SLC2A13: variants seen among roughly 807,000 people sequenced by gnomAD.
The protein encoded by SLC2A13 is proton myo-inositol cotransporter.
SLC2A13 carries 32 observed loss-of-function variants against 64.4 expected under a neutral mutation model. The ratio of observed to expected loss-of-function variants is 0.50; its 90% CI spans 0.37 to 0.67. The LOEUF (loss-of-function observed/expected upper bound fraction) is 0.67. SLC2A13 is among the 30% of genes least tolerant of loss of function. The pLI, the probability that SLC2A13 is intolerant of heterozygous loss-of-function variation, is 0.00. For synonymous variants in SLC2A13, 338 were observed against 327.1 expected, an observed-to-expected ratio of 1.03 and a Z score of -0.36; for missense variants, 743 against 829.2, an observed-to-expected ratio of 0.90 and a Z score of 1.28.
At chr12:39,882,299 A>G (rs1488686569) in intron 4 of SLC2A13, among the ~76,000 whole-genome samples, 5 of 152,132 alleles carry the variant, frequency 3.3e-5, no homozygotes, top group Non-Finnish European at 5.9e-5. Flanking sequence ...AGGACCAAGA[A>G]TTTGCCTTTC....
intron 4 of SLC2A13, among the ~76,000 whole-genome samples, chr12:39,872,357 A>G (rs902290364): frequency 4.6e-5 from 7 of 152,232 alleles, no homozygotes; most frequent in African/African-American, 1.7e-4. Flanking sequence ...TTCACTGTGA[A>G]TTAATGTCCT....
intron 3 of SLC2A13, among the ~76,000 whole-genome samples, chr12:40,012,842 G>T (rs1343028758): frequency 6.6e-6 from 1 of 152,152 alleles, no homozygotes; most frequent in African/African-American, 2.4e-5. Flanking sequence ...AAAGGAAAGT[G>T]ACACAGGAAA....
chr12:39,790,206 T>C (rs538364170), intron 7 of SLC2A13, among the ~76,000 whole-genome samples: 1 of 48,794 alleles, frequency 2.0e-5, no homozygotes, highest in South Asian at 8.8e-4. Context: ...GTGTACAGTG[T>C]TTTTTTTTTC....
intron 7 of SLC2A13, among the ~76,000 whole-genome samples, chr12:39,808,232 C>A (rs11173668): frequency 0.093 from 14,205 of 151,976 alleles, 780 homozygotes; most frequent in Middle Eastern, 0.13. Flanking sequence ...GGCTTTTTTG[C>A]CCAACACAAT....
intron 4 of SLC2A13, among the ~76,000 whole-genome samples, chr12:39,917,314 A>C (rs1413068400): frequency 2.0e-5 from 3 of 152,062 alleles, no homozygotes; most frequent in Admixed American, 1.3e-4. Flanking sequence ...GCATGTGCAA[A>C]AGCATGCGGT....
intron 5 of SLC2A13, among the ~76,000 whole-genome samples, chr12:39,866,725 A>C (rs548761401): frequency 2.8e-4 from 43 of 152,228 alleles, no homozygotes; most frequent in Middle Eastern, 6.8e-3. Context: ...GTGATCCGCC[A>C]GCCTCGGCCT....
At chr12:39,933,207 C>T (rs189435174) in intron 4 of SLC2A13, among the ~76,000 whole-genome samples, 35 of 152,172 alleles carry the variant, frequency 2.3e-4, no homozygotes, top group African/African-American at 6.7e-4. Flanking sequence ...CCAGCCTGGG[C>T]GACAGAGCAA....
At chr12:39,772,869 TC>T (rs1940634055) in intron 7 of SLC2A13, among the ~76,000 whole-genome samples, 1 of 56,122 alleles carries the variant, frequency 1.8e-5, no homozygotes, top group Non-Finnish European at 4.9e-5. Context: ...GCCAAGTAGC[TC>T]CTCATCATCC....
intron 1 of SLC2A13, among the ~76,000 whole-genome samples, chr12:40,104,466 A>G (rs555479531): frequency 3.9e-5 from 6 of 152,192 alleles, no homozygotes; most frequent in African/African-American, 1.2e-4. Flanking sequence ...CTTGCGGGGC[A>G]TTTATCCACA....
At chr12:39,926,489 A>T (rs1034273868) in intron 4 of SLC2A13, among the ~76,000 whole-genome samples, 1 of 152,242 alleles carries the variant, frequency 6.6e-6, no homozygotes, top group Non-Finnish European at 1.5e-5. Context: ...GATATGTGAC[A>T]GCGTATTGTA....
rs150220364 is a variant in SLC2A13 at position 39,764,534 on chromosome 12, G to C, written c.1646C>G (p.Ser549Cys). Reference sequence around the variant, plus strand: ...GACATTGAAAATCCAGTTTATTCCAGATGAACATGCATTTCCTGTACTTCT... The same window carrying C: ...GACATTGAAAATCCAGTTTATTCCACATGAACATGCATTTCCTGTACTTCT... ...WARSTGNACSSGINWIFNVLV... is the reference protein window; with the variant it reads ...WARSTGNACSCGINWIFNVLV... The change falls in exon 9 of 10, where the codon TCT (serine) becomes TGT (cysteine). Residue 549 changes from serine to cysteine, a missense_variant. Around this residue, in one of 2 missense-constraint regions of SLC2A13, gnomAD observed 295 missense variants for 381.7 expected, o/e 0.77. Transcript: ENST00000280871. 143 of 1,612,216 alleles carry C rather than the reference G, an allele frequency of 8.9e-5. No homozygotes were observed. The highest frequency in any genetic ancestry group is 1.2e-4 in the Non-Finnish European group (138 of 1,179,268).
intron 4 of SLC2A13, among the ~76,000 whole-genome samples, chr12:39,935,616 TTATAA>T (rs951337989): frequency 2.0e-5 from 3 of 152,168 alleles, no homozygotes; most frequent in Non-Finnish European, 4.4e-5. Context: ...ACATCTGCAG[TTATAA>T]TATAATAAAT....
At chr12:39,884,661 A>T (rs527427142) in intron 4 of SLC2A13, among the ~76,000 whole-genome samples, 1 of 152,316 alleles carries the variant, frequency 6.6e-6, no homozygotes, top group East Asian at 1.9e-4. Context: ...TGACCGCCAT[A>T]CATATAACAA....
chr12:39,882,675 G>A (rs1263493792), intron 4 of SLC2A13, among the ~76,000 whole-genome samples: 5 of 151,918 alleles, frequency 3.3e-5, no homozygotes, highest in Non-Finnish European at 1.5e-5. Flanking sequence ...GTGCTCCCCT[G>A]CCTCATCACC....
rs17458355 is a variant in SLC2A13 at position 40,076,300 on chromosome 12, C to T, written c.557-28090G>A. On this transcript the variant is annotated intron_variant, in intron 1 of 9. Transcript: ENST00000280871. ...CTGATAGGTAGTTTTTTGATCCTCA[C>T]CCTCCTCCCAACCTCCACCCTCAAA... Among the ~76,000 whole-genome samples, 146 of 152,232 alleles carry T rather than the reference C, an allele frequency of 9.6e-4. 1 individual carries two copies. Among genetic ancestry groups the T allele is most frequent in the African/African-American group, 3.2e-3 (132 of 41,558 alleles).
intron 1 of SLC2A13, among the ~76,000 whole-genome samples, chr12:40,081,717 G>A (rs530687313): frequency 6.6e-5 from 10 of 152,274 alleles, no homozygotes; most frequent in African/African-American, 1.4e-4. Flanking sequence ...TTGCTGTCGA[G>A]CTCATGTGGT....
At position 40,048,075 on chromosome 12, in the gene SLC2A13, C is replaced by T. The variant is rs965174191; in HGVS notation, c.692G>A (p.Ser231Asn). The T allele has an allele frequency of 6.2e-7, 1 of 1,611,808 alleles. No individual in the cohort carries two copies. Among genetic ancestry groups the T allele is most frequent in the Non-Finnish European group, 8.5e-7 (1 of 1,179,318 alleles). ...FFASVVDGAF[S>N]YLQKDGWRYM... is the part of the protein sequence containing the mutation. ...CCTCCATCCATCCTTCTGGAGATAA[C>T]TGAAGGCTCCATCAACAACACTTGC... Residue 231 changes from serine to asparagine, a missense_variant, in exon 2 of 10, where the codon AGT becomes AAT. This residue lies in a region of SLC2A13 where 448 missense variants were observed against 447.4 expected (regional missense o/e 1.00). Transcript: ENST00000280871.
chr12:39,822,166 G>A (rs1220806797), intron 7 of SLC2A13, among the ~76,000 whole-genome samples: 2 of 147,952 alleles, frequency 1.4e-5, no homozygotes, highest in South Asian at 2.1e-4. Context: ...GAGAATATGC[G>A]GTGTTTGGTT....
chr12:39,945,888 T>C (rs533379898), intron 4 of SLC2A13, among the ~76,000 whole-genome samples: 132 of 148,826 alleles, frequency 8.9e-4, no homozygotes, highest in Admixed American at 8.8e-4. Flanking sequence ...CATCCACTGC[T>C]GGTGAATTAG....
Sources: gnomAD v4.1 joint callset for allele counts (sites outside exome capture counted in the v4.1 genomes callset) on GRCh38, gnomAD v4.1.1 for gene constraint, gnomAD v4.1.1 regional missense constraint, MANE v1.5 for transcripts, NCBI Gene and HGNC (gene_info 2026-07-23, HGNC 2026-07-21) for gene names.